SEMA5A: variants seen among roughly 807,000 people sequenced by gnomAD.
SEMA5A encodes semaphorin 5A.
A neutral mutation model predicts 135.5 loss-of-function variants in SEMA5A; 55 were observed. The ratio of observed to expected loss-of-function variants is 0.41; its 90% CI spans 0.33 to 0.51. The LOEUF is 0.51. Among genes scored for constraint, SEMA5A ranks in the 20% least tolerant of loss-of-function variants. The pLI, the probability that SEMA5A is intolerant of heterozygous loss-of-function variation, is 0.37. For missense variants in SEMA5A, 1,290 were observed against 1,419.9 expected (o/e 0.91, Z 1.47); for synonymous variants, 580 against 546.5 (o/e 1.06, Z -0.85).
intron 16 of SEMA5A, among the ~76,000 whole-genome samples, chr5:9,107,366 G>GAA (rs11408631): frequency 1.6e-4 from 23 of 147,022 alleles, no homozygotes; most frequent in South Asian, 6.5e-4. Context: ...AAAGGCAGGA[G>GAA]AAAAAAAAAA....
At chr5:9,174,792 G>T (rs145769422) in intron 11 of SEMA5A, among the ~76,000 whole-genome samples, 2,620 of 152,292 alleles carry the variant, frequency 0.017, 25 homozygotes, top group Non-Finnish European at 0.025. Flanking sequence ...CTTTGCACCA[G>T]TAAATACAGC....
intron 4 of SEMA5A, 117 bp downstream of exon 4, chr5:9,337,596 A>G: frequency 1.6e-6 from 1 of 637,624 alleles, no homozygotes; most frequent in South Asian, 2.2e-5. Context: ...TTTCATTCTT[A>G]TAAGAAATAA....
chr5:9,412,588 TGCA>T (rs1222459762), intron 2 of SEMA5A, among the ~76,000 whole-genome samples: 3 of 133,906 alleles, frequency 2.2e-5, no homozygotes, highest in Non-Finnish European at 3.1e-5. Context: ...ATTCAGATTT[TGCA>T]TTTTTTTTTT....
At chr5:9,544,736 G>A (rs892812565) in intron 1 of SEMA5A, among the ~76,000 whole-genome samples, 3 of 152,204 alleles carry the variant, frequency 2.0e-5, no homozygotes, top group Non-Finnish European at 4.4e-5. Flanking sequence ...GCAAGCAAAG[G>A]GCGAGGAGGT....
At position 9,061,502 on chromosome 5, in the gene SEMA5A, G is replaced by C. The variant is rs557707466; in HGVS notation, c.2518+1385C>G. Among the ~76,000 whole-genome samples the C allele has an allele frequency of 5.9e-5, 9 of 152,274 alleles. 1 individual carries two copies. In the South Asian group the frequency reaches 1.9e-3, roughly 32 times the overall value. On this transcript the variant is annotated intron_variant, in intron 18 of 22. Coordinates refer to ENST00000382496, the MANE Select transcript of SEMA5A (RefSeq NM_003966.3). ...ACAGATCAGCCCTCAGGATGGCCAT[G>C]ACGTGTGGGCTGAAGACTTTCCGTG...
intron 1 of SEMA5A, among the ~76,000 whole-genome samples, chr5:9,528,138 C>A (rs888468849): frequency 1.3e-5 from 2 of 152,136 alleles, no homozygotes; most frequent in African/African-American, 4.8e-5. Flanking sequence ...CTTCAGCTTG[C>A]AAAATATGAA....
At chr5:9,540,136 C>A (rs1737998091) in intron 1 of SEMA5A, among the ~76,000 whole-genome samples, 1 of 152,158 alleles carries the variant, frequency 6.6e-6, no homozygotes, top group Non-Finnish European at 1.5e-5. Flanking sequence ...CGGTCACTTA[C>A]CCAAGATGGC....
chr5:9,257,205 T>C (rs1315088858), intron 5 of SEMA5A, among the ~76,000 whole-genome samples: 1 of 152,186 alleles, frequency 6.6e-6, no homozygotes, highest in African/African-American at 2.4e-5. Flanking sequence ...CTGGCAATAA[T>C]CCAGAGAATG....
In SEMA5A at chr5:9,269,781, T is replaced by A. The variant is rs114052793; in HGVS notation, c.271-31891A>T. Among the ~76,000 whole-genome samples, 466 of 152,250 alleles carry A rather than the reference T, an allele frequency of 3.1e-3. 2 individuals carry two copies. The highest frequency in any genetic ancestry group is 0.01 in the African/African-American group (436 of 41,568). On this transcript the variant is annotated intron_variant, in intron 5 of 22. Transcript: ENST00000382496. ...TATACATAGTATGAAATGTAATAAA[T>A]CTGCATATGCAAAACATAAGAATTA...
chr5:9,384,857 A>T (rs1180611280), intron 2 of SEMA5A, among the ~76,000 whole-genome samples: 2 of 152,140 alleles, frequency 1.3e-5, no homozygotes, highest in African/African-American at 4.8e-5. Flanking sequence ...TAAAACACCA[A>T]ACTAAATTTG....
At chr5:9,440,698 T>C (rs1758200886) in intron 1 of SEMA5A, among the ~76,000 whole-genome samples, 1 of 152,246 alleles carries the variant, frequency 6.6e-6, no homozygotes, top group Non-Finnish European at 1.5e-5. Flanking sequence ...TATAACTTAC[T>C]AAGTGCTCAT....
At chr5:9,113,220 T>C (rs928323594) in intron 15 of SEMA5A, among the ~76,000 whole-genome samples, 22 of 152,196 alleles carry the variant, frequency 1.4e-4, no homozygotes, top group Non-Finnish European at 2.8e-4. Context: ...ATAACAACTA[T>C]TAACAGACCG....
intron 3 of SEMA5A, among the ~76,000 whole-genome samples, chr5:9,358,555 A>G (rs536512559): frequency 6.6e-6 from 1 of 152,238 alleles, no homozygotes; most frequent in African/African-American, 2.4e-5. Context: ...CCATCTTTCC[A>G]CTAAATGGCA....
chr5:9,122,547 C>T, intron 14 of SEMA5A, 109 bp downstream of exon 14: 1 of 1,127,566 alleles, frequency 8.9e-7, no homozygotes, highest in Non-Finnish European at 1.2e-6. Flanking sequence ...CCTGGTGTTT[C>T]ACCACAGTTC....
At chr5:9,144,374 G>A (rs1742216849) in intron 12 of SEMA5A, among the ~76,000 whole-genome samples, 1 of 152,178 alleles carries the variant, frequency 6.6e-6, no homozygotes, top group African/African-American at 2.4e-5. Context: ...AACCTTAAAA[G>A]GGCATAAGTC....
chr5:9,467,393 T>A (rs1352379205), intron 1 of SEMA5A, among the ~76,000 whole-genome samples: 3 of 152,112 alleles, frequency 2.0e-5, no homozygotes, highest in Admixed American at 2.0e-4. Flanking sequence ...ATTACAAACG[T>A]GAGCCACCGC....
chr5:9,104,293 C>T (rs952070503), intron 16 of SEMA5A, among the ~76,000 whole-genome samples: 1 of 152,092 alleles, frequency 6.6e-6, no homozygotes, highest in African/African-American at 2.4e-5. Flanking sequence ...ACTCTTAGTG[C>T]AGTGCATGGC....
intron 16 of SEMA5A, among the ~76,000 whole-genome samples, chr5:9,090,268 T>C (rs1213937013): frequency 6.6e-6 from 1 of 152,192 alleles, no homozygotes; most frequent in African/African-American, 2.4e-5. Flanking sequence ...ATGCCATTTA[T>C]TTCTAATTCT....
At chr5:9,180,616 T>C (rs1313345805) in intron 11 of SEMA5A, among the ~76,000 whole-genome samples, 1 of 152,170 alleles carries the variant, frequency 6.6e-6, no homozygotes, top group African/African-American at 2.4e-5. Flanking sequence ...TCAGGAGTGA[T>C]GGCAGCCGTA....
Sources: allele counts gnomAD v4.1 joint callset (sites outside exome capture counted in the v4.1 genomes callset), GRCh38; gene constraint gnomAD v4.1.1; transcripts MANE v1.5; gene names NCBI Gene and HGNC (gene_info 2026-07-23, HGNC 2026-07-21).